BBOX1: variants seen among roughly 807,000 people sequenced by gnomAD.
BBOX1 encodes the protein gamma-butyrobetaine dioxygenase.
Under a neutral mutation model 41.6 loss-of-function variants are expected in BBOX1, and 35 were observed. That is an observed-to-expected ratio of 0.84 (90% confidence interval 0.64 to 1.11). BBOX1 has a LOEUF of 1.11. Ranked by LOEUF, BBOX1 falls within the 50% of genes most tolerant of loss-of-function variation. BBOX1 has a pLI of 0.00. For synonymous variants in BBOX1, 163 were observed against 154.7 expected (o/e 1.05, Z -0.40); for missense variants, 458 against 460.6 (o/e 0.99, Z 0.05).
chr11:27,064,089 C>T (rs1043488173), intron 4 of BBOX1, among the ~76,000 whole-genome samples: 4 of 152,184 alleles, frequency 2.6e-5, no homozygotes, highest in African/African-American at 9.6e-5. Context: ...TTGCTACATC[C>T]ATTCTTGAAT....
At position 27,127,204 on chromosome 11, in the gene BBOX1, C is replaced by T. The variant is rs1859697302; in HGVS notation, c.1004-89C>T. ...GCGATGATTCTTGATGTGAACCAAG[C>T]AGCAGCTGTGTTTTGCATGTTACAT... On this transcript the variant is annotated intron_variant, in intron 8 of 8. Coordinates refer to ENST00000263182, the MANE Select transcript of BBOX1 (RefSeq NM_003986.3). 6 of 1,348,504 alleles carry T rather than the reference C, an allele frequency of 4.4e-6. No homozygotes were observed. In the East Asian group the frequency reaches 1.4e-4, roughly 32 times the overall value. 83.5% of individuals were successfully genotyped at this position (1,348,504 alleles called of 1,614,324 possible).
intron 4 of BBOX1, among the ~76,000 whole-genome samples, chr11:27,075,558 C>T (rs566443999): frequency 6.6e-6 from 1 of 152,164 alleles, no homozygotes; most frequent in Admixed American, 6.5e-5. Flanking sequence ...GGAAGGATGG[C>T]CTCTCCCTTG....
rs541867638 is a variant in BBOX1, at chr11:27,098,091, T to C, written c.533+4725T>C. Among the ~76,000 whole-genome samples, 25 of 152,158 alleles carry C rather than the reference T, an allele frequency of 1.6e-4. No homozygotes were observed. In the South Asian group the frequency reaches 3.1e-3, roughly 19 times the overall value. On this transcript the variant is annotated intron_variant, in intron 5 of 8. Transcript: ENST00000263182. ...TGCATGTATCTCTCTTGCTTTTATA[T>C]CTCCTGGACCTTTATTCTGACTACA...
chr11:27,104,707 C>T lies in BBOX1; in HGVS notation c.534-10745C>T, dbSNP rs188044764. ...AAAAGGCAGCAGAAACTTCTGCAGA[C>T]TTAAATGTCCCTGTCTGACAGCTTT... On this transcript the variant is annotated intron_variant, in intron 5 of 8. Transcript: ENST00000263182. Among the ~76,000 whole-genome samples the T allele has an allele frequency of 5.3e-5, 8 of 152,286 alleles. No homozygotes were observed. The East Asian group carries it at 1.5e-3, about 29-fold the overall frequency.
In BBOX1 at chr11:27,127,383, C is replaced by A. The variant is rs768810962; in HGVS notation, c.1094C>A (p.Ala365Asp). 1 of 1,614,114 alleles carries A rather than the reference C, an allele frequency of 6.2e-7. No individual in the cohort carries two copies. Among genetic ancestry groups the A allele is most frequent in the Non-Finnish European group, 8.5e-7 (1 of 1,180,018 alleles). The change falls in exon 9 of 9, where the codon GCT becomes GAT. Residue 365 changes from alanine to aspartate, a missense_variant. Transcript: ENST00000263182. ...GTEISRHLEGAYADWDVVMSR... is the reference protein window; with the variant it reads ...GTEISRHLEGDYADWDVVMSR... Reference sequence around the variant, plus strand: ...GAGATATCCCGCCATCTAGAAGGAGCTTATGCTGACTGGGATGTGGTCATG... The same window carrying A: ...GAGATATCCCGCCATCTAGAAGGAGATTATGCTGACTGGGATGTGGTCATG...
At chr11:27,046,005 T>C (rs1851475747) in intron 2 of BBOX1, among the ~76,000 whole-genome samples, 1 of 152,176 alleles carries the variant, frequency 6.6e-6, no homozygotes, top group African/African-American at 2.4e-5. Flanking sequence ...TAAACTTAGC[T>C]GGCAAATCCA....
chr11:27,102,245 C>T (rs1858689333), intron 5 of BBOX1, among the ~76,000 whole-genome samples: 1 of 151,900 alleles, frequency 6.6e-6, no homozygotes, highest in African/African-American at 2.4e-5. Context: ...AAGTGAATAC[C>T]ATAAAATTTA....
At chr11:27,049,221 C>T (rs1196601217) in intron 2 of BBOX1, among the ~76,000 whole-genome samples, 1 of 151,902 alleles carries the variant, frequency 6.6e-6, no homozygotes. Flanking sequence ...TTTCTTTTCT[C>T]CATATTCTCA....
intron 7 of BBOX1, among the ~76,000 whole-genome samples, chr11:27,121,323 G>C (rs1859456599): frequency 1.3e-5 from 2 of 152,138 alleles, no homozygotes; most frequent in African/African-American, 4.8e-5. Context: ...GTAGAGTCTT[G>C]TTAGCAAATT....
intron 5 of BBOX1, among the ~76,000 whole-genome samples, chr11:27,110,057 C>A (rs1029843064): frequency 2.0e-5 from 3 of 151,902 alleles, no homozygotes; most frequent in Non-Finnish European, 2.9e-5. Context: ...ACCTGAAAAC[C>A]TTGGCATCAT....
chr11:27,101,165 T>G (rs956321070), intron 5 of BBOX1, among the ~76,000 whole-genome samples: 27 of 152,140 alleles, frequency 1.8e-4, no homozygotes, highest in African/African-American at 6.5e-4. Flanking sequence ...AACATTTACC[T>G]CCTAATTTCC....
Position 27,044,915 on chromosome 11 carries a change from CT to C in BBOX1, c.-39+3443del, listed in dbSNP as rs543075650. 4.5e-3 allele frequency among the ~76,000 whole-genome samples: 687 copies of C among 152,184 alleles called. 4 individuals carry two copies. The highest frequency in any genetic ancestry group is 7.7e-3 in the Non-Finnish European group (522 of 67,992). On this transcript the variant is annotated intron_variant, in intron 2 of 8. Coordinates refer to ENST00000263182, the MANE Select transcript of BBOX1 (RefSeq NM_003986.3). ...TAGGATTGTCTTGGCTATGTGGGCT[CT>C]TTTTTGGTTCCACATGAACTTTAAA...
rs568160710 is a variant in BBOX1, at chr11:27,107,768, TA to T, written c.534-7683del. On this transcript the variant is annotated intron_variant, in intron 5 of 8. Transcript: ENST00000263182. The stretch of plus-strand genomic sequence containing the variant: ...AGTACTAACCAGGCCTAATCCTGCT[TA>T]GCTGCAAGATCAGGCAAGTCCAGGG... 8.5e-4 allele frequency among the ~76,000 whole-genome samples: 129 copies of T among 152,168 alleles called. No individual in the cohort carries two copies. The Middle Eastern group carries it at 0.01, about 12-fold the overall frequency.
intron 6 of BBOX1, among the ~76,000 whole-genome samples, chr11:27,119,376 T>C (rs1408170748): frequency 6.6e-6 from 1 of 152,028 alleles, no homozygotes; most frequent in Non-Finnish European, 1.5e-5. Flanking sequence ...TTATCATGCC[T>C]GCATCTATGT....
intron 4 of BBOX1, among the ~76,000 whole-genome samples, chr11:27,073,714 A>G (rs1243667726): frequency 3.9e-5 from 6 of 152,168 alleles, no homozygotes; most frequent in Admixed American, 3.9e-4. Flanking sequence ...CATATACACC[A>G]TGGAATACTA....
chr11:27,057,450 T>A, intron 4 of BBOX1, 135 bp downstream of exon 4: 1 of 692,724 alleles, frequency 1.4e-6, no homozygotes, highest in Non-Finnish European at 2.4e-6. Flanking sequence ...GTGGTGTATT[T>A]AAAGTTTTAC....
intron 4 of BBOX1, among the ~76,000 whole-genome samples, chr11:27,059,679 T>C (rs1252091207): frequency 1.3e-5 from 2 of 152,194 alleles, no homozygotes; most frequent in East Asian, 3.9e-4. Flanking sequence ...GCCCAAGGCA[T>C]TGGGAACCCA....
At chr11:27,112,187 A>G (rs1008138913) in intron 5 of BBOX1, among the ~76,000 whole-genome samples, 2 of 151,998 alleles carry the variant, frequency 1.3e-5, no homozygotes, top group African/African-American at 4.8e-5. Flanking sequence ...GCACAGCTTG[A>G]AGGAAAAACT....
At chr11:27,084,819 A>G (rs982873821) in intron 4 of BBOX1, among the ~76,000 whole-genome samples, 2 of 152,180 alleles carry the variant, frequency 1.3e-5, no homozygotes, top group Admixed American at 1.3e-4. Flanking sequence ...AACCTTGTGC[A>G]AATGGTTCCT....
Sources: gnomAD v4.1 joint callset for allele counts (sites outside exome capture counted in the v4.1 genomes callset) on GRCh38, gnomAD v4.1.1 for gene constraint, MANE v1.5 for transcripts, NCBI Gene and HGNC (gene_info 2026-07-23, HGNC 2026-07-21) for gene names.